The following NBEA variants were observed in gnomAD, a reference collection of about 807,000 sequenced individuals.
NBEA encodes the protein lysosomal-trafficking regulator 2.
A neutral mutation model predicts 343.4 loss-of-function variants in NBEA; 44 were observed. The observed-to-expected ratio is 0.13, with a 90% CI of 0.10 to 0.16. The LOEUF is 0.16. Among genes scored for constraint, NBEA ranks in the 10% least tolerant of loss-of-function variants. The probability of loss-of-function intolerance (pLI) is 1.00; values close to 1 mark genes in which losing one functional copy is unlikely to be tolerated. For missense variants in NBEA, 2,555 were observed against 3,631.3 expected (o/e 0.70, Z 7.62); for synonymous variants, 1,175 against 1,238.7 (o/e 0.95, Z 1.08).
At chr13:35,037,754 C>A (rs2152555386) in intron 1 of NBEA, among the ~76,000 whole-genome samples, 1 of 152,310 alleles carries the variant, frequency 6.6e-6, no homozygotes, top group East Asian at 1.9e-4. Flanking sequence ...CACAAGCACT[C>A]CTATGACCAC....
At chr13:35,192,379 T>C (rs1160065268) in intron 30 of NBEA, among the ~76,000 whole-genome samples, 1 of 152,034 alleles carries the variant, frequency 6.6e-6, no homozygotes, top group Non-Finnish European at 1.5e-5. Flanking sequence ...TCTGTTTTTT[T>C]ATTGCTATTA....
chr13:35,562,028 A>AT (rs2079880097), intron 44 of NBEA, among the ~76,000 whole-genome samples: 1 of 151,964 alleles, frequency 6.6e-6, no homozygotes, highest in African/African-American at 2.4e-5. Context: ...CATTTGGGTG[A>AT]TTTTTCTGTT....
At chr13:35,480,927 C>T (rs2076097889) in intron 41 of NBEA, among the ~76,000 whole-genome samples, 1 of 151,836 alleles carries the variant, frequency 6.6e-6, no homozygotes, top group South Asian at 2.1e-4. Context: ...TTCAAGGTTT[C>T]AGTGATTTCT....
intron 17 of NBEA, among the ~76,000 whole-genome samples, chr13:35,128,872 T>C (rs2067266265): frequency 1.3e-5 from 2 of 152,118 alleles, no homozygotes; most frequent in African/African-American, 4.8e-5. Context: ...TTTTAGCTGA[T>C]GATTTTTTAA....
At chr13:35,256,812 G>T (rs1311414740) in intron 34 of NBEA, among the ~76,000 whole-genome samples, 1 of 152,204 alleles carries the variant, frequency 6.6e-6, no homozygotes, top group African/African-American at 2.4e-5. Flanking sequence ...AGGAGTAGGG[G>T]GAGCCCAGGC....
intron 58 of NBEA, 125 bp from the exon 59 acceptor site, chr13:35,670,776 G>A: frequency 1.5e-6 from 1 of 666,600 alleles, no homozygotes. Context: ...ATTAAGACTT[G>A]GCAAACCTTG....
chr13:35,128,327 A>G (rs988205276), intron 17 of NBEA, among the ~76,000 whole-genome samples: 3 of 152,210 alleles, frequency 2.0e-5, no homozygotes, highest in African/African-American at 7.2e-5. Context: ...TAGATAAAGA[A>G]GAATTCTTTA....
At chr13:35,552,584 A>G (rs2079381356) in intron 43 of NBEA, among the ~76,000 whole-genome samples, 1 of 152,164 alleles carries the variant, frequency 6.6e-6, no homozygotes. Flanking sequence ...CTTACATACT[A>G]TTTGTTTAAT....
At chr13:35,628,468 A>G (rs937011076) in intron 49 of NBEA, among the ~76,000 whole-genome samples, 2 of 152,232 alleles carry the variant, frequency 1.3e-5, no homozygotes, top group Admixed American at 6.5e-5. Flanking sequence ...ATATACTTCT[A>G]TATCTGTATA....
At chr13:35,526,255 G>A (rs1263549676) in intron 41 of NBEA, among the ~76,000 whole-genome samples, 3 of 152,108 alleles carry the variant, frequency 2.0e-5, no homozygotes, top group Non-Finnish European at 4.4e-5. Flanking sequence ...CCAATCAGTA[G>A]AAAAACCAAC....
chr13:34,947,398 TC>T (rs2059217415), intron 1 of NBEA, among the ~76,000 whole-genome samples: 1 of 152,190 alleles, frequency 6.6e-6, no homozygotes, highest in Non-Finnish European at 1.5e-5. Context: ...GCTATACTTT[TC>T]CCAAACAGTG....
At chr13:35,169,480 G>A (rs1463918622) in intron 25 of NBEA, among the ~76,000 whole-genome samples, 2 of 151,284 alleles carry the variant, frequency 1.3e-5, no homozygotes, top group African/African-American at 4.8e-5. Context: ...AAAACACTTT[G>A]ATGGATTATA....
intron 46 of NBEA, among the ~76,000 whole-genome samples, chr13:35,584,521 A>G (rs1166993032): frequency 4.8e-5 from 7 of 147,208 alleles, no homozygotes; most frequent in African/African-American, 1.5e-4. Context: ...TTTTTTTGAG[A>G]CAGAGTCTCG....
At chr13:35,266,048 T>C (rs543428558) in intron 34 of NBEA, among the ~76,000 whole-genome samples, 2 of 152,034 alleles carry the variant, frequency 1.3e-5, no homozygotes, top group Non-Finnish European at 2.9e-5. Flanking sequence ...ACTGAGTAGA[T>C]ATTTCTCAAA....
chr13:34,977,869 A>G (rs942400389), intron 1 of NBEA, among the ~76,000 whole-genome samples: 1 of 152,150 alleles, frequency 6.6e-6, no homozygotes, highest in African/African-American at 2.4e-5. Context: ...AGGATGGAGT[A>G]CAGTGGTATG....
intron 31 of NBEA, among the ~76,000 whole-genome samples, chr13:35,207,405 A>G (rs746498789): frequency 2.0e-5 from 3 of 152,098 alleles, no homozygotes; most frequent in Non-Finnish European, 2.9e-5. Context: ...GTTTCCAAGC[A>G]TTACATTTGA....
At chr13:35,373,746 G>A (rs950030375) in intron 38 of NBEA, among the ~76,000 whole-genome samples, 3 of 142,180 alleles carry the variant, frequency 2.1e-5, no homozygotes, top group Admixed American at 1.4e-4. Flanking sequence ...ACCTAAGAAA[G>A]AGAAAATATA....
intron 34 of NBEA, among the ~76,000 whole-genome samples, chr13:35,286,283 A>G (rs1420886507): frequency 6.6e-6 from 1 of 152,076 alleles, no homozygotes; most frequent in African/African-American, 2.4e-5. Flanking sequence ...TTTGCTCAAA[A>G]TGTAATTTTT....
intron 34 of NBEA, among the ~76,000 whole-genome samples, chr13:35,286,515 T>G (rs1054507104): frequency 1.3e-5 from 2 of 152,132 alleles, no homozygotes; most frequent in Non-Finnish European, 2.9e-5. Flanking sequence ...AGGAACATTC[T>G]GCTAGAGATG....
Sources: gnomAD v4.1 joint callset for allele counts (sites outside exome capture counted in the v4.1 genomes callset) on GRCh38, gnomAD v4.1.1 for gene constraint, MANE v1.5 for transcripts, NCBI Gene and HGNC (gene_info 2026-07-23, HGNC 2026-07-21) for gene names.